Variants in TJP1 observed in about 807,000 individuals in gnomAD.
TJP1 encodes tight junction protein 1.
In TJP1, 43 loss-of-function variants were observed where a neutral mutation model predicts 194.2. The observed-to-expected ratio is 0.22, with a 90% CI of 0.17 to 0.29. TJP1 has a LOEUF of 0.29. TJP1 is among the 10% of genes least tolerant of loss of function. TJP1 has a pLI of 1.00. For missense variants in TJP1, 1,971 were observed against 2,185.7 expected, an observed-to-expected ratio of 0.90 and a Z score of 1.96; for synonymous variants, 801 against 779.0, an observed-to-expected ratio of 1.03 and a Z score of -0.47.
chr15:29,734,354 A>G lies in TJP1; in HGVS notation c.1436T>C (p.Ile479Thr), dbSNP rs779599408. The G allele has an allele frequency of 1.2e-6, 2 of 1,613,072 alleles. No homozygotes were observed. The highest frequency in any genetic ancestry group is 1.7e-6 in the Non-Finnish European group (2 of 1,179,592). Residue 479 changes from isoleucine (I) to threonine (T), a missense_variant, in exon 12 of 28, where the codon ATA (isoleucine) becomes ACA (threonine). Ile to Thr is a moderately conservative substitution (Grantham distance 89). Around this residue, in one of 5 missense-constraint regions of TJP1, gnomAD observed 402 missense variants for 484.2 expected, o/e 0.83. Coordinates refer to ENST00000614355, the MANE Select transcript of TJP1 (RefSeq NM_001330239.4). ...CAGGAAAAGGACGGCTTCTTCTCTTATGATATTTGTAAAATCTACGTTGTT... is the reference window on the plus strand; with the variant it reads ...CAGGAAAAGGACGGCTTCTTCTCTTGTGATATTTGTAAAATCTACGTTGTT... ...RVNNVDFTNI[I>T]REEAVLFLLD...
At chr15:29,800,597 G>T (rs774500676) in intron 2 of TJP1, 49 bp downstream of exon 2, 1 of 1,580,016 alleles carries the variant, frequency 6.3e-7, no homozygotes. Flanking sequence ...TTTCAAAGCT[G>T]CCAGTATCCT....
chr15:29,857,137 T>C (rs1293083002), intron 2 of TJP1, among the ~76,000 whole-genome samples: 2 of 152,144 alleles, frequency 1.3e-5, no homozygotes, highest in East Asian at 1.9e-4. Context: ...GGGACAACTA[T>C]ACTATAAGAA....
At chr15:29,774,516 A>G (rs2046892190) in intron 2 of TJP1, among the ~76,000 whole-genome samples, 1 of 152,176 alleles carries the variant, frequency 6.6e-6, no homozygotes, top group Non-Finnish European at 1.5e-5. Flanking sequence ...AGGTTAATAG[A>G]TTCTATTATT....
intron 2 of TJP1, among the ~76,000 whole-genome samples, chr15:29,953,900 A>T (rs951783922): frequency 1.2e-4 from 18 of 152,200 alleles, no homozygotes; most frequent in Non-Finnish European, 2.4e-4. Flanking sequence ...AATTTAAAAC[A>T]ACATCGTCCA....
chr15:29,718,858 T>A lies in TJP1; in HGVS notation c.3284A>T (p.Asp1095Val). The A allele has an allele frequency of 1.2e-6, 2 of 1,614,200 alleles. No individual in the cohort carries two copies. The highest frequency in any genetic ancestry group is 2.2e-5 in the South Asian group (2 of 91,078). The part of the protein sequence containing the change: ...PMYEEQWSYY[D>V]DKQPYPSRPP... Reference sequence around the variant, plus strand: ...CCGAGATGGGTAGGGCTGTTTGTCATCATAATATGACCACTGTTCTTCATA... The same window carrying A: ...CCGAGATGGGTAGGGCTGTTTGTCAACATAATATGACCACTGTTCTTCATA... Residue 1095 changes from aspartate to valine, a missense_variant, in exon 21 of 28, where the codon GAT becomes GTT. Physicochemically the swap from Asp to Val is radical, Grantham distance 152 (BLOSUM62 -3). This residue lies in a region of TJP1 where 1,108 missense variants were observed against 1,128.5 expected (regional missense o/e 0.98). Transcript: ENST00000614355.
Position 29,822,168 on chromosome 15 carries a change from G to C in TJP1, c.-140C>G. On this transcript the variant is annotated 5_prime_UTR_variant, in exon 1 of 28. Transcript: ENST00000614355. ...CGGGCGGGGGCGGCCGGAAGGGCCC[G>C]GCCCAGGGGGAGGGAATTCAACTCG... is the stretch of plus-strand genomic sequence containing the variant. 8.5e-7 allele frequency: 1 copy of C among 1,180,276 alleles called. No homozygotes were observed. Among genetic ancestry groups the C allele is most frequent in the Non-Finnish European group, 1.0e-6 (1 of 954,098 alleles). 73.1% of individuals were successfully genotyped at this position (1,180,276 alleles called of 1,614,324 possible).
rs533880181 is a variant in TJP1 at position 29,929,673 on chromosome 15, G to A, written c.306+26559C>T. ...GATGGCGCCACTGCACTCCAGCCTG[G>A]GTGACAGGGCGAAACTCTGTCTCAA... On this transcript the variant is annotated intron_variant, in intron 2 of 28. Transcript: ENST00000356107. Among the ~76,000 whole-genome samples, 49 of 151,956 alleles carry A rather than the reference G, an allele frequency of 3.2e-4. 5 individuals carry two copies. The highest frequency in any genetic ancestry group is 1.1e-3 in the African/African-American group (47 of 41,426).
chr15:29,847,171 C>T (rs1187410257), intron 2 of TJP1, among the ~76,000 whole-genome samples: 12 of 151,894 alleles, frequency 7.9e-5, no homozygotes, highest in Admixed American at 6.6e-4. Context: ...GGCATGATCA[C>T]GGCTCACTGC....
intron 2 of TJP1, among the ~76,000 whole-genome samples, chr15:29,872,472 C>T (rs1342931350): frequency 1.3e-5 from 2 of 152,128 alleles, no homozygotes; most frequent in Non-Finnish European, 2.9e-5. Context: ...TGCAATAGAC[C>T]ATGTTCCACG....
At position 29,911,294 on chromosome 15, in the gene TJP1, A is replaced by G. The variant is rs543495834; in HGVS notation, c.306+44938T>C. On this transcript the variant is annotated intron_variant, in intron 2 of 28. Transcript: ENST00000356107. ...CTGACAGAGCTGAGTTGCTGTTTCTAGAATGACTATCTCAAGAACCGGGCA... is the reference window on the plus strand; with the variant it reads ...CTGACAGAGCTGAGTTGCTGTTTCTGGAATGACTATCTCAAGAACCGGGCA... Among the ~76,000 whole-genome samples the G allele has an allele frequency of 1.3e-5, 2 of 152,332 alleles. 1 individual carries two copies. Among genetic ancestry groups the G allele is most frequent in the South Asian group, 4.1e-4 (2 of 4,820 alleles).
intron 2 of TJP1, among the ~76,000 whole-genome samples, chr15:29,938,429 A>G (rs1016771584): frequency 6.6e-6 from 1 of 151,808 alleles, no homozygotes; most frequent in African/African-American, 2.4e-5. Context: ...ATAATTATGA[A>G]ATCGTCAAAA....
At chr15:29,892,439 A>G (rs1417232150) in intron 2 of TJP1, among the ~76,000 whole-genome samples, 1 of 152,230 alleles carries the variant, frequency 6.6e-6, no homozygotes, top group Non-Finnish European at 1.5e-5. Flanking sequence ...CAAACAACAG[A>G]CTTTCGATGT....
intron 1 of TJP1, among the ~76,000 whole-genome samples, chr15:29,810,117 A>T (rs1259639755): frequency 1.3e-5 from 2 of 152,212 alleles, no homozygotes; most frequent in Non-Finnish European, 2.9e-5. Flanking sequence ...CTCAAAAAGT[A>T]CTGGATTTTG....
intron 2 of TJP1, among the ~76,000 whole-genome samples, chr15:29,886,959 T>C (rs1419252490): frequency 6.6e-6 from 1 of 150,934 alleles, no homozygotes; most frequent in Admixed American, 6.6e-5. Flanking sequence ...TGCAGAAGAG[T>C]CCTGCAGGGG....
At chr15:29,804,317 T>A (rs1342611056) in intron 1 of TJP1, among the ~76,000 whole-genome samples, 3 of 152,142 alleles carry the variant, frequency 2.0e-5, no homozygotes, top group Non-Finnish European at 4.4e-5. Context: ...TCTTGTTACG[T>A]GTTTGAAAGT....
chr15:29,789,444 G>GT (rs1384342742), intron 2 of TJP1, among the ~76,000 whole-genome samples: 4 of 152,140 alleles, frequency 2.6e-5, no homozygotes, highest in African/African-American at 4.8e-5. Flanking sequence ...AATTCTGCCT[G>GT]TTTTTTTCTG....
chr15:29,771,144 G>C (rs1449326475), intron 4 of TJP1, among the ~76,000 whole-genome samples: 1 of 152,138 alleles, frequency 6.6e-6, no homozygotes, highest in Non-Finnish European at 1.5e-5. Context: ...GCTGCCTACA[G>C]TATCCAGAAC....
chr15:29,711,394 C>A (rs2042234981), intron 23 of TJP1, among the ~76,000 whole-genome samples: 1 of 152,108 alleles, frequency 6.6e-6, no homozygotes, highest in Non-Finnish European at 1.5e-5. Context: ...GAGACAGGGT[C>A]TCATTCTGTC....
intron 1 of TJP1, among the ~76,000 whole-genome samples, chr15:29,819,110 T>C (rs1460025222): frequency 1.3e-5 from 2 of 152,238 alleles, no homozygotes; most frequent in Non-Finnish European, 2.9e-5. Context: ...TTCTTTTCAA[T>C]CTAGGTACAT....
Sources: allele counts gnomAD v4.1 joint callset (sites outside exome capture counted in the v4.1 genomes callset), GRCh38; gene constraint gnomAD v4.1.1; regional missense constraint gnomAD v4.1.1; transcripts MANE v1.5; gene names NCBI Gene and HGNC (gene_info 2026-07-23, HGNC 2026-07-21).